Variants in RHEX observed in about 807,000 individuals in gnomAD.
RHEX encodes regulator of hemoglobinization and erythroid cell expansion protein.
In RHEX, 18 loss-of-function variants were observed where a neutral mutation model predicts 20.1. The ratio of observed to expected loss-of-function variants is 0.90; its 90% CI spans 0.62 to 1.33. The LOEUF is 1.33. Among genes scored for constraint, RHEX ranks in the 40% most tolerant of loss-of-function variants. The probability of loss-of-function intolerance (pLI) is 0.00; values close to 1 mark genes in which losing one functional copy is unlikely to be tolerated. For synonymous variants in RHEX, 87 were observed against 77.1 expected (o/e 1.13, Z -0.67); for missense variants, 192 against 214.3 (o/e 0.90, Z 0.65).
chr1:206,081,498 A>G (rs1662734383), intron 1 of RHEX, among the ~76,000 whole-genome samples: 1 of 152,238 alleles, frequency 6.6e-6, no homozygotes, highest in South Asian at 2.1e-4. Context: ...TTTTTAGGTC[A>G]TTGAAGTTCA....
intron 5 of RHEX, 93 bp from the exon 6 acceptor site, chr1:206,101,659 C>T (rs751352804): frequency 1.8e-4 from 181 of 980,616 alleles, no homozygotes; most frequent in Admixed American, 4.6e-4. Context: ...AAGCCATGGG[C>T]GAATCTTGTT....
chr1:206,088,576 G>A (rs1662882522), intron 1 of RHEX, among the ~76,000 whole-genome samples: 1 of 152,116 alleles, frequency 6.6e-6, no homozygotes. Context: ...CCAGCTACTC[G>A]GGAGGCTGAG....
At chr1:206,055,499 C>T (rs1028612515) in intron 1 of RHEX, among the ~76,000 whole-genome samples, 5 of 152,228 alleles carry the variant, frequency 3.3e-5, no homozygotes, top group Non-Finnish European at 5.9e-5. Flanking sequence ...AATAAGACAT[C>T]GTAAAGCGAG....
chr1:206,097,907 C>A, intron 2 of RHEX, 68 bp downstream of exon 2: 1 of 1,281,514 alleles, frequency 7.8e-7, no homozygotes, highest in Non-Finnish European at 1.1e-6. Flanking sequence ...GTCTTCCAAG[C>A]ACACATAGCA....
chr1:206,062,522 A>C (rs1472562364), intron 1 of RHEX, among the ~76,000 whole-genome samples: 1 of 152,194 alleles, frequency 6.6e-6, no homozygotes, highest in Non-Finnish European at 1.5e-5. Context: ...TTAACACCCC[A>C]TGGGTGTCAA....
intron 1 of RHEX, chr1:206,083,467 G>T (rs1259254179): frequency 3.0e-6 from 3 of 984,526 alleles, no homozygotes; most frequent in Admixed American, 6.1e-5. Context: ...TGTACTCAAC[G>T]AGCGAGATTG....
At chr1:206,062,485 G>T (rs1402202834) in intron 1 of RHEX, among the ~76,000 whole-genome samples, 4 of 152,234 alleles carry the variant, frequency 2.6e-5, no homozygotes, top group Non-Finnish European at 4.4e-5. Flanking sequence ...AGCTGCTTTT[G>T]TCTCTCCAGT....
chr1:206,072,568 T>C (rs900669102), intron 1 of RHEX, among the ~76,000 whole-genome samples: 1 of 151,936 alleles, frequency 6.6e-6, no homozygotes, highest in Non-Finnish European at 1.5e-5. Context: ...ACAGCAAGAC[T>C]CCATCTCAAA....
chr1:206,087,113 T>C (rs1662855484), intron 1 of RHEX, among the ~76,000 whole-genome samples: 1 of 152,232 alleles, frequency 6.6e-6, no homozygotes, highest in South Asian at 2.1e-4. Flanking sequence ...ATAGCTGATG[T>C]CCTAAACACA....
chr1:206,063,662 G>T (rs7700527), intron 1 of RHEX, among the ~76,000 whole-genome samples: 1 of 152,268 alleles, frequency 6.6e-6, no homozygotes, highest in African/African-American at 2.4e-5. Flanking sequence ...CCGAGGTGCC[G>T]GGATTGCAGA....
intron 1 of RHEX, chr1:206,060,656 T>C (rs532492384): frequency 1.2e-4 from 19 of 152,412 alleles, no homozygotes; most frequent in African/African-American, 4.3e-4. Context: ...CCCAGGGCAC[T>C]TTTGTGGAGG....
intron 1 of RHEX, among the ~76,000 whole-genome samples, chr1:206,054,029 G>A (rs782144456): frequency 6.8e-4 from 103 of 151,364 alleles, no homozygotes; most frequent in Admixed American, 1.2e-3. Flanking sequence ...AGTGTAACAT[G>A]TATTATGGTA....
chr1:206,098,233 C>A, intron 3 of RHEX, 52 bp downstream of exon 3: 2 of 1,334,666 alleles, frequency 1.5e-6, no homozygotes, highest in South Asian at 2.4e-5. Context: ...AGACCATTCT[C>A]GAGCCTCCAG....
In RHEX at chr1:206,097,732, G is replaced by T; in HGVS notation, c.-96-1G>T. The T allele has an allele frequency of 6.2e-7, 1 of 1,610,774 alleles. No individual in the cohort carries two copies. Among genetic ancestry groups the T allele is most frequent in the East Asian group, 2.2e-5 (1 of 44,850 alleles). ...CCTGACCAGCTCCTTACCTCTTGCA[G>T]ATCTCCAGCACCCTGCCGGTGGCAC... On this transcript the variant is annotated splice_acceptor_variant, in intron 1 of 5. Coordinates refer to ENST00000331555, the MANE Select transcript of RHEX (RefSeq NM_001007544.4). LOFTEE classifies it low-confidence loss of function (5UTR_SPLICE).
chr1:206,064,378 G>A (rs377510366), intron 1 of RHEX, among the ~76,000 whole-genome samples: 16,011 of 119,332 alleles, frequency 0.13, 1,811 homozygotes, highest in African/African-American at 0.29. Context: ...TGCCCCGTCC[G>A]GGAGGGAGGT....
Position 206,089,989 on chromosome 1 carries a change from C to A in RHEX, c.-96-7744C>A, listed in dbSNP as rs1425212132. Among the ~76,000 whole-genome samples the A allele has an allele frequency of 2.6e-5, 4 of 152,008 alleles. No homozygotes were observed. In the East Asian group the frequency reaches 7.7e-4, roughly 29 times the overall value. Reference sequence around the variant, plus strand: ...TGGAATTCATTTTGCTATCTAGGGTCTGGATCTAATTTATTTTCTTTTCCC... The same window carrying A: ...TGGAATTCATTTTGCTATCTAGGGTATGGATCTAATTTATTTTCTTTTCCC... On this transcript the variant is annotated intron_variant, in intron 1 of 5. Transcript: ENST00000331555.
intron 1 of RHEX, among the ~76,000 whole-genome samples, chr1:206,065,734 C>T (rs1240651327): frequency 6.6e-6 from 1 of 152,176 alleles, no homozygotes; most frequent in Non-Finnish European, 1.5e-5. Flanking sequence ...TCACCAGGAC[C>T]AGCATGTTGG....
intron 1 of RHEX, among the ~76,000 whole-genome samples, chr1:206,069,135 G>A (rs868959975): frequency 1.4e-4 from 22 of 152,234 alleles, no homozygotes; most frequent in African/African-American, 4.6e-4. Context: ...AACTAGGGGT[G>A]AGTTTGCCAC....
At chr1:206,093,588 T>G (rs909355548) in intron 1 of RHEX, among the ~76,000 whole-genome samples, 10 of 152,166 alleles carry the variant, frequency 6.6e-5, no homozygotes, top group Non-Finnish European at 1.0e-4. Context: ...TGATTTTTCA[T>G]AGAAATCATC....
Sources: allele counts gnomAD v4.1 joint callset (sites outside exome capture counted in the v4.1 genomes callset), GRCh38; gene constraint gnomAD v4.1.1; transcripts MANE v1.5; gene names NCBI Gene and HGNC (gene_info 2026-07-23, HGNC 2026-07-21).